Variants in RBM33 observed in about 807,000 individuals in gnomAD.
The protein encoded by RBM33 is RNA binding motif protein 33.
RBM33 carries 28 observed loss-of-function variants against 132.6 expected under a neutral mutation model. The observed-to-expected ratio is 0.21, with a 90% CI of 0.16 to 0.29. The LOEUF is 0.29. Ranked by LOEUF, RBM33 falls within the 10% of genes least tolerant of loss-of-function variation. The probability of loss-of-function intolerance (pLI) is 1.00; values close to 1 mark genes in which losing one functional copy is unlikely to be tolerated. For synonymous variants in RBM33, 634 were observed against 593.0 expected (o/e 1.07, Z -1.01); for missense variants, 1,291 against 1,518.5 (o/e 0.85, Z 2.49).
chr7:155,744,131 T>G (rs771298400), intron 13 of RBM33, among the ~76,000 whole-genome samples: 25 of 152,212 alleles, frequency 1.6e-4, no homozygotes, highest in Non-Finnish European at 2.8e-4. Flanking sequence ...TAAGGTTTAT[T>G]TAGGGAAAGT....
At chr7:155,661,146 A>ATATTTATTTTTTT (rs1421586760) in intron 1 of RBM33, among the ~76,000 whole-genome samples, 1 of 81,182 alleles carries the variant, frequency 1.2e-5, no homozygotes, top group Non-Finnish European at 2.6e-5. Flanking sequence ...ATATATATAT[A>ATATTTATTTTTTT]TTTTTTTTTT....
Position 155,737,598 on chromosome 7 carries a change from C to A in RBM33, c.1329C>A (p.Leu443=). The A allele has an allele frequency of 6.2e-7, 1 of 1,613,234 alleles. No homozygotes were observed. The highest frequency in any genetic ancestry group is 8.5e-7 in the Non-Finnish European group (1 of 1,179,616). The change falls in exon 10 of 18, where the codon CTC becomes CTA. Residue 443 remains leucine (L), a synonymous_variant. Transcript: ENST00000401878. ...ACAGTTTCAGCCAGCCCCCACGACT[C>A]CCTCTCCAGGACCAGTGGAGAGCCC... ...VPNSFSQPPR[L]PLQDQWRAPP...
At chr7:155,688,199 G>GT (rs1274020232) in intron 5 of RBM33, among the ~76,000 whole-genome samples, 3 of 152,162 alleles carry the variant, frequency 2.0e-5, no homozygotes, top group Non-Finnish European at 4.4e-5. Context: ...CACATCCCTT[G>GT]TAAGTTGGAT....
Position 155,738,406 on chromosome 7 carries a change from A to G in RBM33, c.1737+3A>G, listed in dbSNP as rs778165829. ...CACACACACAGCCCAACCTGCAGGT[A>G]ATGCATCCTGAGTGAACCTCCAGGG... On this transcript the variant is annotated splice_donor_region_variant and intron_variant, in intron 11 of 17. Coordinates refer to ENST00000401878, the MANE Select transcript of RBM33 (RefSeq NM_053043.3). 4 of 1,608,676 alleles carry G rather than the reference A, an allele frequency of 2.5e-6. No individual in the cohort carries two copies. In the South Asian group the frequency reaches 3.3e-5, roughly 13 times the overall value.
chr7:155,722,016 T>G (rs903794757), intron 9 of RBM33, among the ~76,000 whole-genome samples: 4 of 152,200 alleles, frequency 2.6e-5, no homozygotes, highest in African/African-American at 9.7e-5. Flanking sequence ...AGTCCCTCAT[T>G]TAAGGAATTC....
At chr7:155,687,594 G>A (rs1394303475) in intron 5 of RBM33, among the ~76,000 whole-genome samples, 2 of 152,086 alleles carry the variant, frequency 1.3e-5, no homozygotes, top group Non-Finnish European at 1.5e-5. Flanking sequence ...TTCTTCTAGG[G>A]TTTTTATGGT....
At position 155,644,782 on chromosome 7, in the gene RBM33, C is replaced by G. The variant is rs1198057938; in HGVS notation, c.-95C>G. On this transcript the variant is annotated 5_prime_UTR_variant, in exon 1 of 18. Coordinates refer to ENST00000401878, the MANE Select transcript of RBM33 (RefSeq NM_053043.3). The stretch of plus-strand genomic sequence containing the variant: ...TGCCTCCTGCAGCCCCCTCCCTTCT[C>G]TGTCCTCCGTCACCCGTACCCGGGC... The G allele has an allele frequency of 8.9e-7, 1 of 1,117,478 alleles. No individual in the cohort carries two copies. The highest frequency in any genetic ancestry group is 1.6e-5 in the African/African-American group (1 of 60,816). The allele number at this position is 1,117,478 out of a possible 1,614,324, so 69.2% of individuals were successfully genotyped here. A position where few individuals can be genotyped will look rare whatever the true frequency, so the allele number is the denominator to read the frequency against.
At chr7:155,655,253 T>G (rs1798459798) in intron 1 of RBM33, among the ~76,000 whole-genome samples, 1 of 152,224 alleles carries the variant, frequency 6.6e-6, no homozygotes, top group Non-Finnish European at 1.5e-5. Context: ...TTTTTTCATG[T>G]CAGGAAACAG....
chr7:155,696,849 T>C (rs1799807393), intron 5 of RBM33, among the ~76,000 whole-genome samples: 1 of 152,204 alleles, frequency 6.6e-6, no homozygotes, highest in Non-Finnish European at 1.5e-5. Flanking sequence ...TCCCTGTATT[T>C]CATGACCTTG....
Position 155,658,307 on chromosome 7 carries a change from T to G in RBM33, c.44-6868T>G, listed in dbSNP as rs369239995. Reference sequence around the variant, plus strand: ...TTGGTTACTATTTGCGTGAAATATCTTTTTCCATCCTTTCACTTTCAATTT... The same window carrying G: ...TTGGTTACTATTTGCGTGAAATATCGTTTTCCATCCTTTCACTTTCAATTT... On this transcript the variant is annotated intron_variant, in intron 1 of 17. Coordinates refer to ENST00000401878, the MANE Select transcript of RBM33 (RefSeq NM_053043.3). Among the ~76,000 whole-genome samples the G allele has an allele frequency of 5.7e-4, 87 of 152,318 alleles. 1 individual carries two copies. In the South Asian group the frequency reaches 0.017, roughly 30 times the overall value.
chr7:155,753,424 G>A (rs924628622), intron 14 of RBM33, among the ~76,000 whole-genome samples: 1 of 152,204 alleles, frequency 6.6e-6, no homozygotes, highest in Non-Finnish European at 1.5e-5. Context: ...TCATTCAGGG[G>A]AACCCACGTT....
Position 155,718,369 on chromosome 7 carries a change from G to A in RBM33, c.1202-16G>A. 1 of 1,612,786 alleles carries A rather than the reference G, an allele frequency of 6.2e-7. No homozygotes were observed. ...TGAGTAAAGTGTGTCTCTAACACAAGGGGTTTTTCTTGCAGTGCCCTTGCT... is the reference window on the plus strand; with the variant it reads ...TGAGTAAAGTGTGTCTCTAACACAAAGGGTTTTTCTTGCAGTGCCCTTGCT... On this transcript the variant is annotated splice_polypyrimidine_tract_variant and intron_variant, in intron 8 of 17. Coordinates refer to ENST00000401878, the MANE Select transcript of RBM33 (RefSeq NM_053043.3).
intron 16 of RBM33, among the ~76,000 whole-genome samples, chr7:155,773,652 T>C (rs1436517561): frequency 6.7e-6 from 1 of 149,120 alleles, no homozygotes; most frequent in East Asian, 2.0e-4. Context: ...GACTGTGTCC[T>C]GAGGTAATTG....
chr7:155,687,463 A>G (rs555299225), intron 5 of RBM33, among the ~76,000 whole-genome samples: 1 of 152,368 alleles, frequency 6.6e-6, no homozygotes, highest in African/African-American at 2.4e-5. Flanking sequence ...TTTGCTGTGC[A>G]GAAGCTCTTT....
chr7:155,678,789 C>T, intron 4 of RBM33, 105 bp downstream of exon 4: 2 of 631,502 alleles, frequency 3.2e-6, no homozygotes, highest in Non-Finnish European at 5.6e-6. Context: ...AGCCTTATAT[C>T]TTTAACACAT....
At chr7:155,668,175 TAC>T (rs1285095339) in intron 2 of RBM33, among the ~76,000 whole-genome samples, 3 of 152,210 alleles carry the variant, frequency 2.0e-5, no homozygotes, top group African/African-American at 7.2e-5. Flanking sequence ...TACATATGTA[TAC>T]ACACATATTT....
chr7:155,691,710 G>A (rs1273564224), intron 5 of RBM33, among the ~76,000 whole-genome samples: 1 of 152,106 alleles, frequency 6.6e-6, no homozygotes, highest in East Asian at 1.9e-4. Flanking sequence ...TTTAACTTCA[G>A]TTCCTGGACA....
intron 3 of RBM33, among the ~76,000 whole-genome samples, chr7:155,676,806 AT>A (rs1256343970): frequency 3.3e-5 from 5 of 152,160 alleles, no homozygotes; most frequent in African/African-American, 1.2e-4. Context: ...TGAAGTGGAT[AT>A]TGTGCTTATC....
At chr7:155,713,891 G>A (rs35045033) in intron 8 of RBM33, among the ~76,000 whole-genome samples, 43,218 of 151,988 alleles carry the variant, frequency 0.28, 7,358 homozygotes, top group African/African-American at 0.48. Context: ...GCTTGCTGAG[G>A]GGGAGGAGCA....
Sources: allele counts gnomAD v4.1 joint callset (sites outside exome capture counted in the v4.1 genomes callset), GRCh38; gene constraint gnomAD v4.1.1; transcripts MANE v1.5; gene names NCBI Gene and HGNC (gene_info 2026-07-23, HGNC 2026-07-21).